NAPRT: variants seen among roughly 807,000 people sequenced by gnomAD.
NAPRT encodes nicotinate phosphoribosyltransferase.
Under a neutral mutation model 60.7 loss-of-function variants are expected in NAPRT, and 66 were observed. The observed-to-expected ratio is 1.09, with a 90% CI of 0.89 to 1.33. The LOEUF (loss-of-function observed/expected upper bound fraction) is 1.33, where lower values mean the gene tolerates loss of function less well. NAPRT is among the 40% of genes most tolerant of loss of function. NAPRT has a pLI of 0.00. For synonymous variants in NAPRT, 405 were observed against 335.7 expected (o/e 1.21, Z -2.26); for missense variants, 818 against 731.5 (o/e 1.12, Z -1.36).
intron 7 of NAPRT, 75 bp downstream of exon 7, chr8:143,576,357 C>T (rs2130693824): frequency 6.5e-7 from 1 of 1,533,168 alleles, no homozygotes; most frequent in African/African-American, 1.4e-5. Flanking sequence ...AGCAGAGTAC[C>T]TCACTGTCCT....
downstream of NAPRT, chr8:143,574,549 T>A (rs1824287347): frequency 3.4e-6 from 2 of 581,672 alleles, no homozygotes; most frequent in South Asian, 2.0e-5. Context: ...CCTGTGGCTT[T>A]GTAGTTCTAG....
At position 143,576,707 on chromosome 8, in the gene NAPRT, C is replaced by T; in HGVS notation, c.820G>A (p.Ala274Thr). 6.2e-7 allele frequency: 1 copy of T among 1,610,658 alleles called. No individual in the cohort carries two copies. Reference protein sequence around the residue: ...PHPGERAAFVAYALAFPRAFQ... With the variant: ...PHPGERAAFVTYALAFPRAFQ... ...GCCCGGGGAAAAGCCAAGGCATAGG[C>T]CACAAAGGCTGCCCGCTCGCCTGGA... The change falls in exon 6 of 13, where the codon GCC becomes ACC. Residue 274 changes from alanine to threonine, a missense_variant. By Grantham distance (58) the Ala-to-Thr change is moderately conservative (BLOSUM62 0). Coordinates refer to ENST00000449291, the MANE Select transcript of NAPRT (RefSeq NM_145201.6).
chr8:143,576,693 AG>A lies in NAPRT; in HGVS notation c.833del (p.Ala278ValfsTer24). Reference sequence around the variant, plus strand: ...GGAGGCCCTGGAAGGCCCGGGGAAAAGCCAAGGCATAGGCCACAAAGGCTGC... The same window carrying A: ...GGAGGCCCTGGAAGGCCCGGGGAAAACCAAGGCATAGGCCACAAAGGCTGC... ...ERAAFVAYAL[A>X]FPRAFQGLLD... On this transcript the variant is annotated frameshift_variant, in exon 6 of 13. Coordinates refer to ENST00000449291, the MANE Select transcript of NAPRT (RefSeq NM_145201.6). LOFTEE classifies it high-confidence loss of function. 1 of 1,611,224 alleles carries A rather than the reference AG, an allele frequency of 6.2e-7. No homozygotes were observed. Among genetic ancestry groups the A allele is most frequent in the Non-Finnish European group, 8.5e-7 (1 of 1,179,536 alleles).
downstream of NAPRT, chr8:143,572,879 T>C: frequency 1.2e-6 from 1 of 802,680 alleles, no homozygotes; most frequent in South Asian, 2.2e-5. Flanking sequence ...AATGGGCCTT[T>C]GAGGGGCCCT....
At position 143,577,114 on chromosome 8, in the gene NAPRT, A is replaced by G; in HGVS notation, c.632T>C (p.Leu211Pro). ...QLRGVPVAGT[L>P]AHSFVTSFSG... ...AAAGGAAGTGACGAAGGAGTGGGCC[A>G]GGGTCCCGGCCACCGGCACACCTCG... The change falls in exon 5 of 13, where the codon CTG (leucine) becomes CCG (proline). Residue 211 changes from leucine to proline, a missense_variant. Leu to Pro is a moderately conservative substitution (Grantham distance 98). Coordinates refer to ENST00000449291, the MANE Select transcript of NAPRT (RefSeq NM_145201.6). 6.2e-7 allele frequency: 1 copy of G among 1,613,008 alleles called. No homozygotes were observed. Among genetic ancestry groups the G allele is most frequent in the East Asian group, 2.2e-5 (1 of 44,876 alleles).
rs1234802526 is a variant in NAPRT at position 143,577,621 on chromosome 8, C to T, written c.437+36G>A. Reference sequence around the variant, plus strand: ...GAGCCCCGGCGCTGGGGGCCCATCCCATGCCCACGCTCCCTGCCAGTGGCC... The same window carrying T: ...GAGCCCCGGCGCTGGGGGCCCATCCTATGCCCACGCTCCCTGCCAGTGGCC... On this transcript the variant is annotated intron_variant, in intron 3 of 12. Transcript: ENST00000449291. The T allele has an allele frequency of 2.0e-6, 3 of 1,533,214 alleles. No individual in the cohort carries two copies. In the South Asian group the frequency reaches 3.6e-5, roughly 18 times the overall value. The allele number at this position is 1,533,214 out of a possible 1,614,324, so 95.0% of individuals were successfully genotyped here. A position where few individuals can be genotyped will look rare whatever the true frequency, so the allele number is the denominator to read the frequency against.
Position 143,577,744 on chromosome 8 carries a change from G to C in NAPRT, c.355-5C>G, listed in dbSNP as rs1218479214. ...GGACACCTGCAGGAGCGGCACCTGC[G>C]GGGAGAGAAGTCAGCTCCGCGCTCG... On this transcript the variant is annotated splice_region_variant and splice_polypyrimidine_tract_variant and intron_variant, in intron 2 of 12. Coordinates refer to ENST00000449291, the MANE Select transcript of NAPRT (RefSeq NM_145201.6). The C allele has an allele frequency of 1.9e-6, 3 of 1,553,290 alleles. No individual in the cohort carries two copies. The highest frequency in any genetic ancestry group is 4.8e-5 in the East Asian group (2 of 41,558).
At position 143,576,117 on chromosome 8, in the gene NAPRT, G is replaced by A. The variant is rs139482670; in HGVS notation, c.1068C>T (p.Asn356=). The change falls in exon 8 of 13, where the codon AAC becomes AAT. Residue 356 remains asparagine, a synonymous_variant. Transcript: ENST00000449291. ...GGGCCAGCGCCTCCTCGTCAATGTT[G>A]TTGCTGACTACGATGAGGACTGACT... The part of the protein sequence containing the change: ...WLESVLIVVS[N]NIDEEALARL... The A allele has an allele frequency of 5.0e-6, 8 of 1,606,482 alleles. No homozygotes were observed. Among genetic ancestry groups the A allele is most frequent in the Non-Finnish European group, 6.8e-6 (8 of 1,175,454 alleles).
chr8:143,576,041 C>T (rs1213979867), intron 8 of NAPRT, 37 bp downstream of exon 8: 1 of 1,522,072 alleles, frequency 6.6e-7, no homozygotes, highest in Non-Finnish European at 8.9e-7. Flanking sequence ...CCCAGAGCCC[C>T]CCAGCCACCC....
intron 6 of NAPRT, 28 bp from the exon 7 acceptor site, chr8:143,576,600 G>A (rs755656517): frequency 3.7e-6 from 6 of 1,605,954 alleles, no homozygotes; most frequent in African/African-American, 2.7e-5. Flanking sequence ...GGAGTCAGAG[G>A]CTGCTGAGGT....
chr8:143,577,458 G>T, intron 3 of NAPRT, 59 bp from the exon 4 acceptor site: 1 of 1,548,384 alleles, frequency 6.5e-7, no homozygotes, highest in Non-Finnish European at 8.7e-7. Flanking sequence ...CACCCAAGAC[G>T]GCGGTTACCT....
intron 2 of NAPRT, 29 bp from the exon 3 acceptor site, chr8:143,577,768 C>G (rs1824588425): frequency 1.3e-6 from 2 of 1,566,620 alleles, no homozygotes; most frequent in Non-Finnish European, 8.6e-7. Flanking sequence ...GCTCCGCGCT[C>G]GGCCCAGCAC....
Position 143,578,018 on chromosome 8 carries a change from G to T in NAPRT, c.226+75C>A, listed in dbSNP as rs1184958422. On this transcript the variant is annotated intron_variant, in intron 1 of 12. Transcript: ENST00000449291. ...TGGGACATGGGGGGTTCCACGGGGG[G>T]ACAAGGACTTCCACCGGCCATAGGT... 3.2e-6 allele frequency: 5 copies of T among 1,538,578 alleles called. No individual in the cohort carries two copies. The African/African-American group carries it at 4.1e-5, about 13-fold the overall frequency.
At chr8:143,576,270 C>A in intron 7 of NAPRT, 108 bp from the exon 8 acceptor site, 2 of 1,382,726 alleles carry the variant, frequency 1.4e-6, no homozygotes, top group Non-Finnish European at 2.0e-6. Flanking sequence ...CCTGTGCTCA[C>A]CTTCTGCTTG....
At chr8:143,577,207 C>A in intron 4 of NAPRT, 30 bp from the exon 5 acceptor site, 1 of 1,606,114 alleles carries the variant, frequency 6.2e-7, no homozygotes, top group Non-Finnish European at 8.5e-7. Flanking sequence ...GATTGGGGGA[C>A]CTCGGGCCAA....
downstream of NAPRT, chr8:143,573,560 C>T (rs1222254345): frequency 1.3e-5 from 2 of 152,258 alleles, no homozygotes; most frequent in Non-Finnish European, 2.9e-5. Flanking sequence ...CCGCTTCCAC[C>T]AAGATGGTAA....
At position 143,577,897 on chromosome 8, in the gene NAPRT, C is replaced by T. The variant is rs745794985; in HGVS notation, c.273G>A (p.Ala91=). The change falls in exon 2 of 13, where the codon GCG becomes GCA. Residue 91 remains alanine (A), a synonymous_variant. Transcript: ENST00000449291. ...CGAGGGCCCGAAGGTGCTCGAAGAA[C>T]GCAGGATCCGTGTCTGGGGGCAGCA... ...ASVLPPDTDP[A]FFEHLRALDC... 1.9e-6 allele frequency: 3 copies of T among 1,612,204 alleles called. No individual in the cohort carries two copies. Among genetic ancestry groups the T allele is most frequent in the East Asian group, 2.2e-5 (1 of 44,860 alleles).
At chr8:143,574,553 G>A (rs1320813785), downstream of NAPRT, 5 of 583,174 alleles carry the variant, frequency 8.6e-6, no homozygotes, top group African/African-American at 3.7e-5. Flanking sequence ...TGGCTTTGTA[G>A]TTCTAGTGTG....
rs1452285595 is a variant in NAPRT at position 143,574,984 on chromosome 8, A to G, written c.1554+2T>C. The G allele has an allele frequency of 1.1e-5, 17 of 1,542,474 alleles. No homozygotes were observed. The highest frequency in any genetic ancestry group is 1.5e-5 in the Non-Finnish European group (17 of 1,142,502). On this transcript the variant is annotated splice_donor_variant, in intron 12 of 12. Transcript: ENST00000449291. LOFTEE classifies it high-confidence loss of function. Reference sequence around the variant, plus strand: ...GAATGACAGGGTGGGCCTCCCCCCAACCTGGTACTGTGCAGGGCTCCGCAG... The same window carrying G: ...GAATGACAGGGTGGGCCTCCCCCCAGCCTGGTACTGTGCAGGGCTCCGCAG...
Sources: gnomAD v4.1 joint callset for allele counts on GRCh38, gnomAD v4.1.1 for gene constraint, MANE v1.5 for transcripts, NCBI Gene and HGNC (gene_info 2026-07-23, HGNC 2026-07-21) for gene names.